Variants in DST observed in about 807,000 individuals in gnomAD.
DST encodes dystonin, also known as bullous pemphigoid antigen.
DST carries 253 observed loss-of-function variants against 875.2 expected under a neutral mutation model. The ratio of observed to expected loss-of-function variants is 0.29; its 90% CI spans 0.26 to 0.32. The LOEUF (loss-of-function observed/expected upper bound fraction) is 0.32. Among genes scored for constraint, DST ranks in the 10% least tolerant of loss-of-function variants. DST has a pLI of 1.00. For missense variants in DST, 8,287 were observed against 9,111.6 expected, an observed-to-expected ratio of 0.91 and a Z score of 3.68; for synonymous variants, 3,124 against 3,197.1, an observed-to-expected ratio of 0.98 and a Z score of 0.77.
chr6:56,579,126 G>A (rs945675353), intron 49 of DST, among the ~76,000 whole-genome samples, 189 bp from the exon 50 acceptor site: 1 of 152,192 alleles, frequency 6.6e-6, no homozygotes, highest in African/African-American at 2.4e-5. Flanking sequence ...ATTAGCAAAA[G>A]CATCAGCCAG....
Position 56,604,659 on chromosome 6 carries a change from A to G in DST, c.9969T>C (p.Ile3323=), listed in dbSNP as rs777460553. Reference sequence around the variant, plus strand: ...CTTGTTCTTTTGGTAGCTGTTGCTCAATTCTTTCTTTCTTATTATTAATTT... The same window carrying G: ...CTTGTTCTTTTGGTAGCTGTTGCTCGATTCTTTCTTTCTTATTATTAATTT... ...FLEINNKKER[I]EQQLPKEQAL... is the part of the protein sequence containing the mutation. The change falls in exon 40 of 104, where the codon ATT becomes ATC. Residue 3323 remains isoleucine (I), a synonymous_variant. Coordinates refer to ENST00000680361, the MANE Select transcript of DST (RefSeq NM_001374736.1). The G allele has an allele frequency of 5.6e-6, 9 of 1,612,188 alleles. No homozygotes were observed. The Admixed American group carries it at 1.5e-4, about 27-fold the overall frequency.
chr6:56,823,405 T>C (rs909626811), intron 4 of DST, among the ~76,000 whole-genome samples: 2 of 152,118 alleles, frequency 1.3e-5, no homozygotes, highest in African/African-American at 2.4e-5. Flanking sequence ...TAAGGAAATG[T>C]GTATAATTTT....
chr6:56,615,868 G>A (rs1330937921), intron 36 of DST: 1 of 1,614,100 alleles, frequency 6.2e-7, no homozygotes, highest in South Asian at 1.1e-5. Flanking sequence ...ACATCATTTT[G>A]TTAGTGATGG....
intron 9 of DST, among the ~76,000 whole-genome samples, chr6:56,671,174 T>C (rs1476861527): frequency 6.6e-6 from 1 of 152,260 alleles, no homozygotes; most frequent in African/African-American, 2.4e-5. Context: ...ATTTAACTCA[T>C]TTGTGTCCAA....
rs2098505838 is a variant in DST, at chr6:56,607,170, A to C, written c.7458T>G (p.Phe2486Leu). Residue 2486 changes from phenylalanine (F) to leucine (L), a missense_variant, in exon 40 of 104, where the codon TTT becomes TTG. Physicochemically the swap from Phe to Leu is conservative, Grantham distance 22. Coordinates refer to ENST00000680361, the MANE Select transcript of DST (RefSeq NM_001374736.1). ...MLSGQRIGEK[F>L]QDQFLGIAAI... ...CTGCAATTCCCAGAAACTGGTCTTG[A>C]AATTTTTCTCCTATTCTTTGACCTG... 1.2e-6 allele frequency: 2 copies of C among 1,613,326 alleles called. No homozygotes were observed. Among genetic ancestry groups the C allele is most frequent in the Non-Finnish European group, 1.7e-6 (2 of 1,179,630 alleles).
At chr6:56,890,167 TG>T (rs1417439349) in intron 3 of DST, among the ~76,000 whole-genome samples, 1 of 149,684 alleles carries the variant, frequency 6.7e-6, no homozygotes, top group Admixed American at 6.6e-5. Flanking sequence ...ATCTACCAGC[TG>T]TATGACCTTG....
intron 4 of DST, among the ~76,000 whole-genome samples, chr6:56,741,242 G>T (rs1439243869): frequency 1.3e-5 from 2 of 152,120 alleles, no homozygotes; most frequent in African/African-American, 4.8e-5. Flanking sequence ...TTGTTGTTGT[G>T]CTAGATGCTC....
At chr6:56,836,793 G>A (rs2153067907) in intron 4 of DST, among the ~76,000 whole-genome samples, 1 of 149,256 alleles carries the variant, frequency 6.7e-6, no homozygotes, top group East Asian at 1.9e-4. Flanking sequence ...GGAGCTTGCA[G>A]TGAGCCAAGA....
At chr6:56,722,972 A>G (rs2099428380) in intron 5 of DST, among the ~76,000 whole-genome samples, 2 of 152,322 alleles carry the variant, frequency 1.3e-5, no homozygotes, top group South Asian at 4.1e-4. Flanking sequence ...TAAAAACTGA[A>G]AGAGAATATG....
In DST at chr6:56,603,390, C is replaced by T. The variant is rs186573760; in HGVS notation, c.10972G>A (p.Val3658Ile). 2 of 1,610,700 alleles carry T rather than the reference C, an allele frequency of 1.2e-6. No homozygotes were observed. The highest frequency in any genetic ancestry group is 2.7e-5 in the African/African-American group (2 of 74,954). The change falls in exon 42 of 104, where the codon GTT becomes ATT. Residue 3658 changes from valine (V) to isoleucine (I), a missense_variant. Physicochemically the swap from Val to Ile is conservative, Grantham distance 29. Around this residue, in one of 10 missense-constraint regions of DST, gnomAD observed 3,138 missense variants for 3,116.6 expected, o/e 1.01. Coordinates refer to ENST00000680361, the MANE Select transcript of DST (RefSeq NM_001374736.1). ...AACTTCATATCTTTTCTTAAAATAA[C>T]AGCAATTGGAGCTAATCCCAATTCA... is the stretch of plus-strand genomic sequence containing the variant. ...TFELGLAPIA[V>I]ILRKDMKLAE...
At chr6:56,893,147 C>T (rs1016703914) in intron 3 of DST, among the ~76,000 whole-genome samples, 4 of 152,190 alleles carry the variant, frequency 2.6e-5, no homozygotes, top group African/African-American at 4.8e-5. Flanking sequence ...TTTTATCCCT[C>T]GCCCTCCTCA....
chr6:56,538,580 C>G (rs1239860260), intron 61 of DST, among the ~76,000 whole-genome samples: 2 of 152,136 alleles, frequency 1.3e-5, no homozygotes, highest in Non-Finnish European at 2.9e-5. Flanking sequence ...CCTCCAGACT[C>G]TGGTCTAAGG....
At chr6:56,635,779 A>G in intron 23 of DST, 65 bp from the exon 24 acceptor site, 1 of 1,562,934 alleles carries the variant, frequency 6.4e-7, no homozygotes, top group South Asian at 1.1e-5. Context: ...CAGTTGTCAC[A>G]CTCCAATACC....
chr6:56,862,921 G>C (rs1772011303), intron 3 of DST: 1 of 152,286 alleles, frequency 6.6e-6, no homozygotes, highest in South Asian at 2.1e-4. Flanking sequence ...AGGAAAATGA[G>C]TGGGTCCCAG....
intron 64 of DST, among the ~76,000 whole-genome samples, chr6:56,530,627 T>C (rs1021645374): frequency 5.3e-5 from 8 of 152,342 alleles, no homozygotes; most frequent in Admixed American, 3.3e-4. Context: ...GTGGAATTAA[T>C]AGTGATTCCT....
chr6:56,637,082 T>G, intron 22 of DST, among the ~76,000 whole-genome samples: 1 of 149,758 alleles, frequency 6.7e-6, no homozygotes, highest in East Asian at 1.9e-4. Context: ...AAACTCCACC[T>G]CAAAAAACAA....
At position 56,605,456 on chromosome 6, in the gene DST, C is replaced by A. The variant is rs910403635; in HGVS notation, c.9172G>T (p.Gly3058Ter). The A allele has an allele frequency of 2.5e-6, 4 of 1,612,926 alleles. No individual in the cohort carries two copies. Among genetic ancestry groups the A allele is most frequent in the Non-Finnish European group, 3.4e-6 (4 of 1,179,278 alleles). ...TSIQKMYLGE[G>*]EVLVEGLVEE... is the part of the protein sequence containing the mutation. ...ACTAGACCTTCTACAAGCACTTCTC[C>A]TTCACCCAAGTACATTTTCTGAATT... is the stretch of plus-strand genomic sequence containing the variant. The change falls in exon 40 of 104, where the codon GGA becomes TGA. Residue 3058 changes from glycine to a stop codon, truncating the protein, a stop_gained. Coordinates refer to ENST00000680361, the MANE Select transcript of DST (RefSeq NM_001374736.1). LOFTEE classifies it high-confidence loss of function.
At chr6:56,636,743 C>G in intron 22 of DST, 91 bp from the exon 23 acceptor site, 1 of 1,040,488 alleles carries the variant, frequency 9.6e-7, no homozygotes, top group South Asian at 1.3e-5. Flanking sequence ...GCTAACTCTA[C>G]TATCTAAATA....
At chr6:56,530,522 A>G (rs1238144541) in intron 64 of DST, among the ~76,000 whole-genome samples, 3 of 152,206 alleles carry the variant, frequency 2.0e-5, no homozygotes, top group Non-Finnish European at 4.4e-5. Flanking sequence ...ATTAATTTCA[A>G]TTGGAGCAAC....
Sources: gnomAD v4.1 joint callset for allele counts (sites outside exome capture counted in the v4.1 genomes callset) on GRCh38, gnomAD v4.1.1 for gene constraint, gnomAD v4.1.1 regional missense constraint, MANE v1.5 for transcripts, NCBI Gene and HGNC (gene_info 2026-07-23, HGNC 2026-07-21) for gene names.